The following C1QL3 variants were observed in gnomAD, a reference collection of about 807,000 sequenced individuals.
C1QL3 encodes the protein complement C1q like 3.
In C1QL3, 4 loss-of-function variants were observed where a neutral mutation model predicts 16.6. The observed-to-expected ratio is 0.24, with a 90% CI of 0.12 to 0.55. The LOEUF is 0.55. Among genes scored for constraint, C1QL3 ranks in the 20% least tolerant of loss-of-function variants. The probability of loss-of-function intolerance (pLI) is 0.94; values close to 1 mark genes in which losing one functional copy is unlikely to be tolerated. For synonymous variants in C1QL3, 189 were observed against 160.2 expected (o/e 1.18, Z -1.36); for missense variants, 269 against 365.6 (o/e 0.74, Z 2.16).
At position 16,520,454 on chromosome 10, in the gene C1QL3, T is replaced by G; in HGVS notation, c.588+24A>C. ...ACCTTCCCGCGCTCCCTCCCCGCCCTCCCCGCCGCCCGCCCGCGCTCACCT... is the reference window on the plus strand; with the variant it reads ...ACCTTCCCGCGCTCCCTCCCCGCCCGCCCCGCCGCCCGCCCGCGCTCACCT... On this transcript the variant is annotated intron_variant, in intron 1 of 1. Coordinates refer to ENST00000298943, the MANE Select transcript of C1QL3 (RefSeq NM_001010908.2). This position sits in a 1 kb window ranked among gnomAD's most constrained non-coding sequence, Gnocchi z 8.3. 98 of 393,168 alleles carry G rather than the reference T, an allele frequency of 2.5e-4. No homozygotes were observed. The highest frequency in any genetic ancestry group is 5.1e-4 in the Middle Eastern group (1 of 1,978). The allele number at this position is 393,168 out of a possible 1,614,324, so 24.4% of individuals were successfully genotyped here.
At position 16,517,990 on chromosome 10, in the gene C1QL3, G is replaced by A. The variant is rs188706343; in HGVS notation, c.588+2488C>T. The stretch of plus-strand genomic sequence containing the variant: ...CCAGAAGCATTTCTCTCTCTTAGAG[G>A]GAACTGCATTTTTAGTTTAATTTTT... On this transcript the variant is annotated intron_variant, in intron 1 of 1. Transcript: ENST00000298943. 2.4e-4 allele frequency among the ~76,000 whole-genome samples: 36 copies of A among 152,174 alleles called. 1 individual carries two copies. Among genetic ancestry groups the A allele is most frequent in the Admixed American group, 2.2e-3 (33 of 15,286 alleles).
At position 16,520,445 on chromosome 10, in the gene C1QL3, T is replaced by TGCCCCCCCCCCCCCCC; in HGVS notation, c.588+32_588+33insGGGGGGGGGGGGGGGC. 1 of 527,494 alleles carries TGCCCCCCCCCCCCCCC rather than the reference T, an allele frequency of 1.9e-6. No homozygotes were observed. The highest frequency in any genetic ancestry group is 3.2e-6 in the Non-Finnish European group (1 of 309,180). The allele number at this position is 527,494 out of a possible 1,614,324, so 32.7% of individuals were successfully genotyped here. On this transcript the variant is annotated intron_variant, in intron 1 of 1. Coordinates refer to ENST00000298943, the MANE Select transcript of C1QL3 (RefSeq NM_001010908.2). This position sits in a 1 kb window ranked among gnomAD's most constrained non-coding sequence, Gnocchi z 8.3. ...CTCGCCCGCACCTTCCCGCGCTCCC[T>TGCCCCCCCCCCCCCCC]CCCCGCCCTCCCCGCCGCCCGCCCG...
In C1QL3 at chr10:16,520,889, G is replaced by A; in HGVS notation, c.177C>T (p.Ile59=). The change falls in exon 1 of 2, where the codon ATC becomes ATT. Residue 59 remains isoleucine (I), a synonymous_variant. Coordinates refer to ENST00000298943, the MANE Select transcript of C1QL3 (RefSeq NM_001010908.2). This position sits in a 1 kb window ranked among gnomAD's most constrained non-coding sequence, Gnocchi z 8.3. The part of the protein sequence containing the change: ...RGLMQSLPTF[I]QGPKGEAGRP... ...TGCCGGCCTCGCCTTTGGGGCCCTG[G>A]ATGAAGGTGGGCAGGGACTGCATGA... 1 of 1,524,138 alleles carries A rather than the reference G, an allele frequency of 6.6e-7. No individual in the cohort carries two copies. Among genetic ancestry groups the A allele is most frequent in the Non-Finnish European group, 8.7e-7 (1 of 1,143,454 alleles). The allele number at this position is 1,524,138 out of a possible 1,614,324, so 94.4% of individuals were successfully genotyped here.
Position 16,520,803 on chromosome 10 carries a change from C to A in C1QL3, c.263G>T (p.Gly88Val). ...PGEPGPPGPM[G>V]PPGEKGEPGR... The stretch of plus-strand genomic sequence containing the variant: ...CGGCTCGCCCTTCTCGCCCGGGGGC[C>A]CCATGGGGCCGGGTGGCCCGGGCTC... Residue 88 changes from glycine (G) to valine (V), a missense_variant, in exon 1 of 2, where the codon GGG (glycine) becomes GTG (valine). This residue lies in a region of C1QL3 where 246 missense variants were observed against 297.2 expected (regional missense o/e 0.83). Coordinates refer to ENST00000298943, the MANE Select transcript of C1QL3 (RefSeq NM_001010908.2). This position sits in a 1 kb window ranked among gnomAD's most constrained non-coding sequence, Gnocchi z 8.3. 7.6e-7 allele frequency: 1 copy of A among 1,308,012 alleles called. No homozygotes were observed. The highest frequency in any genetic ancestry group is 9.7e-7 in the Non-Finnish European group (1 of 1,028,408). 81.0% of individuals were successfully genotyped at this position (1,308,012 alleles called of 1,614,324 possible). A position where few individuals can be genotyped will look rare whatever the true frequency, so the allele number is the denominator to read the frequency against.
intron 1 of C1QL3, among the ~76,000 whole-genome samples, chr10:16,515,101 C>A (rs1430570123): frequency 6.6e-6 from 1 of 151,832 alleles, no homozygotes; most frequent in Non-Finnish European, 1.5e-5. Flanking sequence ...ATATTCTAAT[C>A]AGCTGTTTAT....
rs896921572 is a variant in C1QL3, at chr10:16,521,314, G to A, written c.-249C>T. On this transcript the variant is annotated 5_prime_UTR_variant, in exon 1 of 2. Coordinates refer to ENST00000298943, the MANE Select transcript of C1QL3 (RefSeq NM_001010908.2). ...AGGGAGCGCGGGCGCCCAGTGACTTGAGCCGAAGTCCCGAGCCCGGGGTGG... is the reference window on the plus strand; with the variant it reads ...AGGGAGCGCGGGCGCCCAGTGACTTAAGCCGAAGTCCCGAGCCCGGGGTGG... The A allele has an allele frequency of 4.6e-6, 2 of 434,926 alleles. No individual in the cohort carries two copies. Among genetic ancestry groups the A allele is most frequent in the African/African-American group, 4.2e-5 (2 of 47,884 alleles). The allele number at this position is 434,926 out of a possible 1,614,324, so 26.9% of individuals were successfully genotyped here.
Position 16,520,699 on chromosome 10 carries a change from T to C in C1QL3, c.367A>G (p.Thr123Ala). 6.3e-7 allele frequency: 1 copy of C among 1,585,772 alleles called. No homozygotes were observed. Among genetic ancestry groups the C allele is most frequent in the Non-Finnish European group, 8.6e-7 (1 of 1,166,110 alleles). The change falls in exon 1 of 2, where the codon ACG becomes GCG. Residue 123 changes from threonine (T) to alanine (A), a missense_variant. Around this residue, in one of 2 missense-constraint regions of C1QL3, gnomAD observed 246 missense variants for 297.2 expected, o/e 0.83. Coordinates refer to ENST00000298943, the MANE Select transcript of C1QL3 (RefSeq NM_001010908.2). This position sits in a 1 kb window ranked among gnomAD's most constrained non-coding sequence, Gnocchi z 8.3. ...AGAISAATYS[T>A]VPKIAFYAGL... Reference sequence around the variant, plus strand: ...GCGTAGAAGGCGATCTTGGGCACCGTGCTGTAGGTGGCGGCGCTGATGGCC... The same window carrying C: ...GCGTAGAAGGCGATCTTGGGCACCGCGCTGTAGGTGGCGGCGCTGATGGCC...
chr10:16,521,294 G>A lies in C1QL3; in HGVS notation c.-229C>T. The A allele has an allele frequency of 2.0e-6, 1 of 488,200 alleles. No homozygotes were observed. The highest frequency in any genetic ancestry group is 3.6e-6 in the Non-Finnish European group (1 of 278,742). 30.2% of individuals were successfully genotyped at this position (488,200 alleles called of 1,614,324 possible). A position where few individuals can be genotyped will look rare whatever the true frequency, so the allele number is the denominator to read the frequency against. Reference sequence around the variant, plus strand: ...CGCGGAGGCTGCGGCTGGGGAGGGAGCGCGGGCGCCCAGTGACTTGAGCCG... The same window carrying A: ...CGCGGAGGCTGCGGCTGGGGAGGGAACGCGGGCGCCCAGTGACTTGAGCCG... On this transcript the variant is annotated 5_prime_UTR_variant, in exon 1 of 2. Coordinates refer to ENST00000298943, the MANE Select transcript of C1QL3 (RefSeq NM_001010908.2).
chr10:16,515,372 C>T (rs934701718), intron 1 of C1QL3, among the ~76,000 whole-genome samples: 4 of 152,132 alleles, frequency 2.6e-5, no homozygotes, highest in Admixed American at 6.5e-5. Context: ...TTTTTTCCAT[C>T]GTGTCTTTTT....
Position 16,514,164 on chromosome 10 carries a change from C to G in C1QL3, c.*364G>C. The G allele has an allele frequency of 5.0e-6, 2 of 398,916 alleles. No individual in the cohort carries two copies. The highest frequency in any genetic ancestry group is 4.4e-6 in the Non-Finnish European group (1 of 226,398). 24.7% of individuals were successfully genotyped at this position (398,916 alleles called of 1,614,324 possible). On this transcript the variant is annotated 3_prime_UTR_variant, in exon 2 of 2. Coordinates refer to ENST00000298943, the MANE Select transcript of C1QL3 (RefSeq NM_001010908.2). ...GTAAACTCACAAGAACCAAAGCTGA[C>G]ATATGGATAAAAGCAGCAAGATCAC... is the stretch of plus-strand genomic sequence containing the variant.
At position 16,521,591 on chromosome 10, in the gene C1QL3, C is replaced by T. The variant is rs953435776; in HGVS notation, c.-526G>A. On this transcript the variant is annotated 5_prime_UTR_variant, in exon 1 of 2. Coordinates refer to ENST00000298943, the MANE Select transcript of C1QL3 (RefSeq NM_001010908.2). ...TGCCTCCTCCTCCTCTTCTTTCGCTCGCTCAGTTCGCCCGTCCGCTGCCTT... is the reference window on the plus strand; with the variant it reads ...TGCCTCCTCCTCCTCTTCTTTCGCTTGCTCAGTTCGCCCGTCCGCTGCCTT... 1 of 152,988 alleles carries T rather than the reference C, an allele frequency of 6.5e-6. No homozygotes were observed. The highest frequency in any genetic ancestry group is 1.5e-5 in the Non-Finnish European group (1 of 68,468). 9.5% of individuals were successfully genotyped at this position (152,988 alleles called of 1,614,324 possible).
At position 16,514,703 on chromosome 10, in the gene C1QL3, C is replaced by CT. The variant is rs775177429; in HGVS notation, c.592_593insA (p.Arg198GlnfsTer3). On this transcript the variant is annotated frameshift_variant, in exon 2 of 2. Coordinates refer to ENST00000298943, the MANE Select transcript of C1QL3 (RefSeq NM_001010908.2). LOFTEE classifies it high-confidence loss of function. ...AGCATCTTGGGCAATTGCACTAGCA[C>CT]GCACCTATGTGAAACAGACAAGAAT... The CT allele has an allele frequency of 1.9e-6, 3 of 1,609,244 alleles. No homozygotes were observed. The highest frequency in any genetic ancestry group is 2.5e-6 in the Non-Finnish European group (3 of 1,178,116).
At chr10:16,515,500 A>T (rs1309255058) in intron 1 of C1QL3, among the ~76,000 whole-genome samples, 1 of 152,176 alleles carries the variant, frequency 6.6e-6, no homozygotes, top group East Asian at 1.9e-4. Context: ...GAATTTTTGA[A>T]TGATTTCGTT....
Position 16,521,259 on chromosome 10 carries a change from C to T in C1QL3, c.-194G>A. The T allele has an allele frequency of 1.8e-6, 1 of 546,650 alleles. No individual in the cohort carries two copies. The highest frequency in any genetic ancestry group is 2.0e-5 in the African/African-American group (1 of 49,576). 33.9% of individuals were successfully genotyped at this position (546,650 alleles called of 1,614,324 possible). Reference sequence around the variant, plus strand: ...GTGCGCCGGCCGCTGCTGCCGACTCCTGCTCCCCCCGCGGAGGCTGCGGCT... The same window carrying T: ...GTGCGCCGGCCGCTGCTGCCGACTCTTGCTCCCCCCGCGGAGGCTGCGGCT... On this transcript the variant is annotated 5_prime_UTR_variant, in exon 1 of 2. Coordinates refer to ENST00000298943, the MANE Select transcript of C1QL3 (RefSeq NM_001010908.2).
intron 1 of C1QL3, among the ~76,000 whole-genome samples, chr10:16,516,865 T>C (rs1836959915): frequency 6.6e-6 from 1 of 152,196 alleles, no homozygotes; most frequent in Admixed American, 6.5e-5. Flanking sequence ...GTGTGGTTGC[T>C]TTTTAATGAA....
At position 16,520,447 on chromosome 10, in the gene C1QL3, C is replaced by CCCCCCCAA; in HGVS notation, c.588+30_588+31insTTGGGGGG. ...CGCCCGCACCTTCCCGCGCTCCCTC[C>CCCCCCCAA]CCGCCCTCCCCGCCGCCCGCCCGCG... On this transcript the variant is annotated intron_variant, in intron 1 of 1. Transcript: ENST00000298943. The surrounding 1 kb of genome is among the most constrained non-coding windows in gnomAD (Gnocchi z 8.3). The CCCCCCCAA allele has an allele frequency of 8.4e-7, 1 of 1,193,092 alleles. No homozygotes were observed. The highest frequency in any genetic ancestry group is 1.2e-6 in the Non-Finnish European group (1 of 840,098). 73.9% of individuals were successfully genotyped at this position (1,193,092 alleles called of 1,614,324 possible).
chr10:16,520,751 G>T lies in C1QL3; in HGVS notation c.315C>A (p.Pro105=). Residue 105 remains proline (P), a synonymous_variant, in exon 1 of 2, where the codon CCC becomes CCA. Coordinates refer to ENST00000298943, the MANE Select transcript of C1QL3 (RefSeq NM_001010908.2). This position sits in a 1 kb window ranked among gnomAD's most constrained non-coding sequence, Gnocchi z 8.3. ...EPGRQGLPGP[P]GAPGLNAAGA... ...CGGCCGCGTTCAGGCCGGGCGCCCC[G>T]GGCGGGCCCGGCAGGCCTTGGCGGC... 7.1e-7 allele frequency: 1 copy of T among 1,400,134 alleles called. No individual in the cohort carries two copies. Among genetic ancestry groups the T allele is most frequent in the Non-Finnish European group, 9.3e-7 (1 of 1,074,518 alleles). 86.7% of individuals were successfully genotyped at this position (1,400,134 alleles called of 1,614,324 possible). A position where few individuals can be genotyped will look rare whatever the true frequency, so the allele number is the denominator to read the frequency against.
chr10:16,519,320 G>A (rs1216387924), intron 1 of C1QL3, among the ~76,000 whole-genome samples: 1 of 151,418 alleles, frequency 6.6e-6, no homozygotes, highest in Non-Finnish European at 1.5e-5. Flanking sequence ...GTTGCTGCAG[G>A]AGAGGAGGTC....
chr10:16,519,029 G>C lies in C1QL3; in HGVS notation c.588+1449C>G, dbSNP rs1307217336. On this transcript the variant is annotated intron_variant, in intron 1 of 1. Transcript: ENST00000298943. ...ACAACCCTGTCAGTGCCTCCTGGTG[G>C]CCATTTTTCCTCTTTTTGTTATATG... Among the ~76,000 whole-genome samples, 4 of 151,580 alleles carry C rather than the reference G, an allele frequency of 2.6e-5. No individual in the cohort carries two copies. The East Asian group carries it at 7.8e-4, about 29-fold the overall frequency.
Sources: allele counts gnomAD v4.1 joint callset (sites outside exome capture counted in the v4.1 genomes callset), GRCh38; gene constraint gnomAD v4.1.1; regional missense constraint gnomAD v4.1.1; non-coding constraint Gnocchi (gnomAD v3.1); transcripts MANE v1.5; gene names NCBI Gene and HGNC (gene_info 2026-07-23, HGNC 2026-07-21).